TMED2: variants seen among roughly 807,000 people sequenced by gnomAD.
TMED2 encodes transmembrane emp24 domain-containing protein 2.
TMED2 carries 3 observed loss-of-function variants against 17.5 expected under a neutral mutation model. The ratio of observed to expected loss-of-function variants is 0.17; its 90% CI spans 0.08 to 0.44. The LOEUF is 0.44. TMED2 is among the 20% of genes least tolerant of loss of function. The pLI is 0.99. For synonymous variants in TMED2, 95 were observed against 91.0 expected (o/e 1.04, Z -0.25); for missense variants, 149 against 254.8 (o/e 0.58, Z 2.83).
At chr12:123,591,774 C>G (rs1156474413) in intron 3 of TMED2, among the ~76,000 whole-genome samples, 1 of 151,086 alleles carries the variant, frequency 6.6e-6, no homozygotes, top group African/African-American at 2.4e-5. Context: ...GAGCGAGACT[C>G]TGTCTGAAAA....
intron 3 of TMED2, among the ~76,000 whole-genome samples, chr12:123,596,132 C>G (rs1437889753): frequency 1.3e-5 from 2 of 152,160 alleles, no homozygotes; most frequent in African/African-American, 4.8e-5. Context: ...TATGATGGTG[C>G]AAAAGTGATG....
chr12:123,596,732 AG>A lies in TMED2; in HGVS notation c.*4del. 6.2e-7 allele frequency: 1 copy of A among 1,602,104 alleles called. No homozygotes were observed. The highest frequency in any genetic ancestry group is 8.5e-7 in the Non-Finnish European group (1 of 1,175,762). Reference sequence around the variant, plus strand: ...TTGAAGTCCGGAGAGTTGTTTAAAAAGCCTCTTCCTGATGATCCCAACTCAG... The same window carrying A: ...TTGAAGTCCGGAGAGTTGTTTAAAAACCTCTTCCTGATGATCCCAACTCAG... On this transcript the variant is annotated 3_prime_UTR_variant, in exon 4 of 4. Coordinates refer to ENST00000262225, the MANE Select transcript of TMED2 (RefSeq NM_006815.4).
intron 3 of TMED2, 65 bp downstream of exon 3, chr12:123,590,514 C>T: frequency 7.5e-7 from 1 of 1,339,104 alleles, no homozygotes; most frequent in Non-Finnish European, 1.0e-6. Flanking sequence ...CAACAGCTTG[C>T]TCGTATTTTC....
At chr12:123,596,550 A>G (rs997795918) in intron 3 of TMED2, 55 bp from the exon 4 acceptor site, 10 of 1,565,744 alleles carry the variant, frequency 6.4e-6, no homozygotes, top group South Asian at 4.8e-5. Flanking sequence ...TATGATGCCT[A>G]TGTCTTTTTG....
intron 1 of TMED2, chr12:123,585,039 C>T: frequency 3.6e-6 from 2 of 551,584 alleles, no homozygotes; most frequent in South Asian, 2.2e-5. Context: ...CTTGGGGGCT[C>T]CTTCGGCATG....
chr12:123,592,347 G>T lies in TMED2; in HGVS notation c.481+1898G>T, dbSNP rs148978857. Among the ~76,000 whole-genome samples the T allele has an allele frequency of 4.0e-3, 614 of 152,294 alleles. 12 individuals are homozygous for T. The highest frequency in any genetic ancestry group is 0.027 in the Middle Eastern group (8 of 294). ...TGGAAGGGCACTGAACTAACTCAGA[G>T]GGCAAGTTCCTCTACTTTGCAATTT... On this transcript the variant is annotated intron_variant, in intron 3 of 3. Coordinates refer to ENST00000262225, the MANE Select transcript of TMED2 (RefSeq NM_006815.4).
rs1224456229 is a variant in TMED2, at chr12:123,597,414, T to C, written c.*685T>C. The C allele has an allele frequency of 6.6e-6, 1 of 152,248 alleles. No homozygotes were observed. Among genetic ancestry groups the C allele is most frequent in the Non-Finnish European group, 1.5e-5 (1 of 68,038 alleles). The allele number at this position is 152,248 out of a possible 1,614,324, so 9.4% of individuals were successfully genotyped here. A position where few individuals can be genotyped will look rare whatever the true frequency, so the allele number is the denominator to read the frequency against. On this transcript the variant is annotated 3_prime_UTR_variant, in exon 4 of 4. Transcript: ENST00000262225. Reference sequence around the variant, plus strand: ...CTGGGTTTCTGCCTAACCCCCTAATTGTCTGTTAAAGCCAATTCTCTGGGT... The same window carrying C: ...CTGGGTTTCTGCCTAACCCCCTAATCGTCTGTTAAAGCCAATTCTCTGGGT...
At chr12:123,587,513 C>A in intron 2 of TMED2, 1 of 913,558 alleles carries the variant, frequency 1.1e-6, no homozygotes, top group Non-Finnish European at 1.4e-6. Flanking sequence ...ATTTGCTAAT[C>A]CTGGCATATA....
intron 3 of TMED2, among the ~76,000 whole-genome samples, chr12:123,595,879 A>G (rs1953427199): frequency 6.6e-6 from 1 of 152,190 alleles, no homozygotes; most frequent in African/African-American, 2.4e-5. Flanking sequence ...AACAGAAAAA[A>G]TTAGTCAAAT....
At chr12:123,593,245 C>T (rs1399120869) in intron 3 of TMED2, among the ~76,000 whole-genome samples, 1 of 150,270 alleles carries the variant, frequency 6.7e-6, no homozygotes, top group African/African-American at 2.5e-5. Flanking sequence ...TTTTTACAGA[C>T]TCTCTGGTTT....
chr12:123,596,859 A>C lies in TMED2; in HGVS notation c.*130A>C. 1 of 1,212,414 alleles carries C rather than the reference A, an allele frequency of 8.2e-7. No homozygotes were observed. The allele number at this position is 1,212,414 out of a possible 1,614,324, so 75.1% of individuals were successfully genotyped here. A position where few individuals can be genotyped will look rare whatever the true frequency, so the allele number is the denominator to read the frequency against. On this transcript the variant is annotated 3_prime_UTR_variant, in exon 4 of 4. Transcript: ENST00000262225. ...TCACAACTTATGTTTCTTTGAGATT[A>C]ATAGATATTGGGGGAAAAACGCCTT...
intron 3 of TMED2, 152 bp downstream of exon 3, chr12:123,590,601 A>G (rs908939650): frequency 3.8e-6 from 2 of 522,450 alleles, no homozygotes; most frequent in Non-Finnish European, 6.9e-6. Flanking sequence ...TTTTTTGAGC[A>G]TACACATGTG....
intron 2 of TMED2, chr12:123,587,693 TCTG>T: frequency 3.2e-6 from 4 of 1,235,614 alleles, no homozygotes; most frequent in Non-Finnish European, 4.1e-6. Context: ...ATGTCTAATT[TCTG>T]CTTTCTTTTT....
chr12:123,596,757 A>G lies in TMED2; in HGVS notation c.*28A>G. On this transcript the variant is annotated 3_prime_UTR_variant, in exon 4 of 4. Coordinates refer to ENST00000262225, the MANE Select transcript of TMED2 (RefSeq NM_006815.4). ...AGCCTCTTCCTGATGATCCCAACTCAGAATTCACTGTTTACCAAACACCTT... is the reference window on the plus strand; with the variant it reads ...AGCCTCTTCCTGATGATCCCAACTCGGAATTCACTGTTTACCAAACACCTT... The G allele has an allele frequency of 6.3e-7, 1 of 1,578,902 alleles. No individual in the cohort carries two copies. The highest frequency in any genetic ancestry group is 8.6e-7 in the Non-Finnish European group (1 of 1,165,854).
chr12:123,592,892 A>T (rs1326173715), intron 3 of TMED2, among the ~76,000 whole-genome samples: 1 of 152,134 alleles, frequency 6.6e-6, no homozygotes, highest in African/African-American at 2.4e-5. Context: ...CAACATGGTG[A>T]AACCCCGTCT....
Position 123,584,684 on chromosome 12 carries a change from C to G in TMED2, c.48C>G (p.Ala16=), listed in dbSNP as rs746890129. 10 of 1,613,560 alleles carry G rather than the reference C, an allele frequency of 6.2e-6. No homozygotes were observed. The highest frequency in any genetic ancestry group is 8.5e-6 in the Non-Finnish European group (10 of 1,179,870). ...TGGTGCTTCTGGCCGCTCTCCTGGC[C>G]ACGGTCTCGGGCTATTTCGTTAGCA... The part of the protein sequence containing the change: ...ELLVLLAALL[A]TVSGYFVSID... Residue 16 remains alanine, a synonymous_variant, in exon 1 of 4, where the codon GCC becomes GCG. Coordinates refer to ENST00000262225, the MANE Select transcript of TMED2 (RefSeq NM_006815.4).
intron 2 of TMED2, 87 bp downstream of exon 2, chr12:123,587,026 A>AT (rs1953353057): frequency 3.7e-5 from 45 of 1,222,968 alleles, no homozygotes; most frequent in Non-Finnish European, 4.1e-5. Context: ...TGGAGTACTT[A>AT]TTTTTTTTAA....
chr12:123,595,186 G>T (rs184579103), intron 3 of TMED2, among the ~76,000 whole-genome samples: 100 of 152,238 alleles, frequency 6.6e-4, no homozygotes, highest in African/African-American at 2.3e-3. Flanking sequence ...CTGAGATTGC[G>T]CCACTGCCCT....
chr12:123,584,750 C>T lies in TMED2; in HGVS notation c.114C>T (p.Thr38=), dbSNP rs945834744. ...AAGAGTGCTTCTTTGAGCGGGTCAC[C>T]TCGGGCACCAAGATGGGCCTCATCT... is the stretch of plus-strand genomic sequence containing the variant. ...HAEECFFERV[T]SGTKMGLIFE... The change falls in exon 1 of 4, where the codon ACC becomes ACT. Residue 38 remains threonine (T), a synonymous_variant. Coordinates refer to ENST00000262225, the MANE Select transcript of TMED2 (RefSeq NM_006815.4). 9.9e-6 allele frequency: 16 copies of T among 1,613,612 alleles called. No homozygotes were observed. Among genetic ancestry groups the T allele is most frequent in the Non-Finnish European group, 1.3e-5 (15 of 1,179,910 alleles).
Sources: allele counts gnomAD v4.1 joint callset (sites outside exome capture counted in the v4.1 genomes callset), GRCh38; gene constraint gnomAD v4.1.1; transcripts MANE v1.5; gene names NCBI Gene and HGNC (gene_info 2026-07-23, HGNC 2026-07-21).